Variants in RNF2 observed in about 807,000 individuals in gnomAD.
RNF2 encodes the protein E3 ubiquitin-protein ligase RING2.
Under a neutral mutation model 37.2 loss-of-function variants are expected in RNF2, and 6 were observed. The observed-to-expected ratio is 0.16, with a 90% CI of 0.09 to 0.32. The LOEUF is 0.32. Among genes scored for constraint, RNF2 ranks in the 10% least tolerant of loss-of-function variants. The probability of loss-of-function intolerance (pLI) is 1.00; values close to 1 mark genes in which losing one functional copy is unlikely to be tolerated. For synonymous variants in RNF2, 133 were observed against 132.7 expected, an observed-to-expected ratio of 1.00 and a Z score of -0.02; for missense variants, 251 against 404.0, an observed-to-expected ratio of 0.62 and a Z score of 3.25.
chr1:185,067,468 G>A (rs1474237961), intron 1 of RNF2, among the ~76,000 whole-genome samples: 1 of 152,114 alleles, frequency 6.6e-6, no homozygotes, highest in Non-Finnish European at 1.5e-5. Flanking sequence ...ATTTACATTT[G>A]TGTAATATAA....
intron 1 of RNF2, among the ~76,000 whole-genome samples, chr1:185,081,816 T>C (rs952907443): frequency 2.0e-5 from 3 of 152,184 alleles, no homozygotes; most frequent in Non-Finnish European, 2.9e-5. Context: ...CATTGCAGTT[T>C]TCGGTGCATC....
intron 1 of RNF2, among the ~76,000 whole-genome samples, chr1:185,053,730 T>C (rs1053717314): frequency 1.3e-5 from 2 of 152,174 alleles, no homozygotes; most frequent in African/African-American, 4.8e-5. Context: ...GATTTCCCAA[T>C]ATCCAAAACA....
At chr1:185,053,340 C>CT (rs796310068) in intron 1 of RNF2, among the ~76,000 whole-genome samples, 2,250 of 143,792 alleles carry the variant, frequency 0.016, 49 homozygotes, top group African/African-American at 0.053. Context: ...TTTTCTTTTT[C>CT]TTTTTTTTTT....
At chr1:185,076,354 G>A (rs1190849030) in intron 1 of RNF2, among the ~76,000 whole-genome samples, 1 of 128,556 alleles carries the variant, frequency 7.8e-6, no homozygotes, top group Non-Finnish European at 1.6e-5. Flanking sequence ...GCAGTGGCGC[G>A]ATCTTGGCTC....
At chr1:185,065,857 TTC>T (rs375045541) in intron 1 of RNF2, among the ~76,000 whole-genome samples, 177 of 152,320 alleles carry the variant, frequency 1.2e-3, no homozygotes, top group African/African-American at 3.9e-3. Flanking sequence ...TGCTTTTTAT[TTC>T]TGTTTCCTTT....
intron 1 of RNF2, among the ~76,000 whole-genome samples, chr1:185,085,036 T>C (rs1651539370): frequency 6.6e-6 from 1 of 152,144 alleles, no homozygotes; most frequent in East Asian, 1.9e-4. Context: ...TGGAACTCAG[T>C]GTGTGTAGCA....
chr1:185,066,610 A>G (rs987923962), intron 1 of RNF2, among the ~76,000 whole-genome samples: 1 of 152,220 alleles, frequency 6.6e-6, no homozygotes, highest in Non-Finnish European at 1.5e-5. Context: ...CTCATTTTCT[A>G]TCACATGATA....
intron 1 of RNF2, among the ~76,000 whole-genome samples, chr1:185,075,383 G>A (rs564003874): frequency 1.3e-5 from 2 of 152,204 alleles, no homozygotes; most frequent in South Asian, 2.1e-4. Context: ...TTCCTTATGC[G>A]AAATACTGTA....
At position 185,100,543 on chromosome 1, in the gene RNF2, G is replaced by T. The variant is rs1339634530; in HGVS notation, c.*242G>T. On this transcript the variant is annotated 3_prime_UTR_variant, in exon 7 of 7. Transcript: ENST00000367510. The stretch of plus-strand genomic sequence containing the variant: ...AAAAAATATATCTGAAGTTTCTTGT[G>T]TTTTTTTTTTTCCCCACAAAGTGTG... The T allele has an allele frequency of 2.3e-4, 58 of 252,420 alleles. No homozygotes were observed. Among genetic ancestry groups the T allele is most frequent in the Middle Eastern group, 1.2e-3 (1 of 834 alleles). The allele number at this position is 252,420 out of a possible 1,614,324, so 15.6% of individuals were successfully genotyped here.
At chr1:185,088,534 C>T (rs1387131936) in intron 2 of RNF2, among the ~76,000 whole-genome samples, 1 of 144,678 alleles carries the variant, frequency 6.9e-6, no homozygotes, top group Non-Finnish European at 1.5e-5. Flanking sequence ...CCAGCCTGGG[C>T]GACAAGAACG....
intron 1 of RNF2, among the ~76,000 whole-genome samples, chr1:185,054,390 G>T (rs1230527881): frequency 6.6e-6 from 1 of 152,206 alleles, no homozygotes; most frequent in Non-Finnish European, 1.5e-5. Context: ...CGGAGAGGAC[G>T]TGTCAAGGCT....
chr1:185,093,911 A>T (rs963279721), intron 4 of RNF2, among the ~76,000 whole-genome samples: 1 of 152,158 alleles, frequency 6.6e-6, no homozygotes, highest in African/African-American at 2.4e-5. Flanking sequence ...ACTCAGTTTC[A>T]TAGTTTTATT....
chr1:185,073,129 C>T (rs750662749), intron 1 of RNF2, among the ~76,000 whole-genome samples: 10 of 149,486 alleles, frequency 6.7e-5, no homozygotes, highest in Non-Finnish European at 1.3e-4. Flanking sequence ...TTTATAGCTA[C>T]GTAGTATTCT....
chr1:185,087,071 T>C (rs1444100265), intron 1 of RNF2, among the ~76,000 whole-genome samples: 3 of 152,248 alleles, frequency 2.0e-5, no homozygotes, highest in African/African-American at 4.8e-5. Flanking sequence ...TTTTCTTCTT[T>C]TTAATTTTTG....
chr1:185,084,556 T>C (rs1176126410), intron 1 of RNF2, among the ~76,000 whole-genome samples: 1 of 152,208 alleles, frequency 6.6e-6, no homozygotes, highest in Non-Finnish European at 1.5e-5. Context: ...TCAAGTCAGT[T>C]TTATTTTGAG....
chr1:185,099,713 T>C, intron 5 of RNF2, 78 bp from the exon 6 acceptor site: 1 of 1,188,748 alleles, frequency 8.4e-7, no homozygotes, highest in Non-Finnish European at 1.2e-6. Flanking sequence ...TTAAGAAATG[T>C]ATTAGTTCCA....
chr1:185,087,502 C>A, intron 1 of RNF2, 50 bp from the exon 2 acceptor site: 1 of 1,462,296 alleles, frequency 6.8e-7, no homozygotes, highest in Non-Finnish European at 9.6e-7. Flanking sequence ...CAGACCATAG[C>A]ACTTCCCTTC....
chr1:185,066,430 C>G (rs976344971), intron 1 of RNF2, among the ~76,000 whole-genome samples: 1 of 152,196 alleles, frequency 6.6e-6, no homozygotes, highest in African/African-American at 2.4e-5. Flanking sequence ...TTAACTTTCA[C>G]TTCACCTTAA....
At chr1:185,059,720 A>G (rs1170859246) in intron 1 of RNF2, among the ~76,000 whole-genome samples, 1 of 152,164 alleles carries the variant, frequency 6.6e-6, no homozygotes, top group Admixed American at 6.5e-5. Flanking sequence ...TTACTATGAG[A>G]CCATTAAGCA....
Sources: gnomAD v4.1 joint callset for allele counts (sites outside exome capture counted in the v4.1 genomes callset) on GRCh38, gnomAD v4.1.1 for gene constraint, MANE v1.5 for transcripts, NCBI Gene and HGNC (gene_info 2026-07-23, HGNC 2026-07-21) for gene names.